Variants in AGBL1 observed in about 807,000 individuals in gnomAD.
The protein encoded by AGBL1 is AGBL carboxypeptidase 1, also known as cytosolic carboxypeptidase 4.
Under a neutral mutation model 118.9 loss-of-function variants are expected in AGBL1, and 130 were observed. The ratio of observed to expected loss-of-function variants is 1.09; its 90% confidence interval spans 0.95 to 1.26. The LOEUF (loss-of-function observed/expected upper bound fraction) is 1.26, where lower values mean the gene tolerates loss of function less well. AGBL1 is among the 50% of genes most tolerant of loss of function. AGBL1 has a pLI of 0.00. For missense variants in AGBL1, 1,584 were observed against 1,298.1 expected (o/e 1.22, Z -3.38); for synonymous variants, 555 against 478.9 (o/e 1.16, Z -2.08).
intron 5 of AGBL1, among the ~76,000 whole-genome samples, chr15:86,166,995 G>A (rs889251984): frequency 5.9e-5 from 9 of 152,078 alleles, no homozygotes; most frequent in African/African-American, 2.2e-4. Context: ...CTAGAGACTA[G>A]AGGCAGGCTC....
At chr15:86,792,435 G>T (rs548213157) in intron 22 of AGBL1, among the ~76,000 whole-genome samples, 1 of 152,268 alleles carries the variant, frequency 6.6e-6, no homozygotes, top group South Asian at 2.1e-4. Flanking sequence ...GTCAAGCAAG[G>T]AATGAACATG....
intron 18 of AGBL1, among the ~76,000 whole-genome samples, chr15:86,453,843 G>A (rs574968073): frequency 1.3e-5 from 2 of 152,204 alleles, no homozygotes; most frequent in Admixed American, 6.5e-5. Context: ...GTTGTGTGTA[G>A]TATTTTTAAA....
intron 23 of AGBL1, among the ~76,000 whole-genome samples, chr15:86,941,026 A>G (rs756225968): frequency 2.6e-5 from 4 of 152,196 alleles, no homozygotes; most frequent in Non-Finnish European, 5.9e-5. Flanking sequence ...CTTTAAATGT[A>G]ATTCTTGTAA....
intron 17 of AGBL1, among the ~76,000 whole-genome samples, chr15:86,313,148 A>G (rs1373752209): frequency 6.6e-6 from 1 of 152,184 alleles, no homozygotes; most frequent in Non-Finnish European, 1.5e-5. Context: ...TCATGGTAAG[A>G]AGTGGGGGAC....
chr15:86,110,888 A>G (rs1469196273), intron 1 of AGBL1, among the ~76,000 whole-genome samples: 1 of 152,192 alleles, frequency 6.6e-6, no homozygotes, highest in Non-Finnish European at 1.5e-5. Flanking sequence ...TTTCTCCTCC[A>G]GCAGAGGTTT....
chr15:86,829,319 C>T (rs2079073484), intron 22 of AGBL1, among the ~76,000 whole-genome samples: 1 of 152,078 alleles, frequency 6.6e-6, no homozygotes, highest in South Asian at 2.1e-4. Context: ...TGGAAAACCG[C>T]AAGGGTCAAG....
In AGBL1 at chr15:86,243,500, A is replaced by G. The variant is rs369649282; in HGVS notation, c.527-4171A>G. On this transcript the variant is annotated intron_variant, in intron 6 of 22. Coordinates refer to ENST00000614907, the MANE Select transcript of AGBL1 (RefSeq NM_001386094.1). Reference sequence around the variant, plus strand: ...GGGTGAATGGGAGGTGAGGACAGAGATAAATCTCCTGTTGTTCATGGATTT... The same window carrying G: ...GGGTGAATGGGAGGTGAGGACAGAGGTAAATCTCCTGTTGTTCATGGATTT... 1.8e-4 allele frequency among the ~76,000 whole-genome samples: 27 copies of G among 152,320 alleles called. No individual in the cohort carries two copies. In the East Asian group the frequency reaches 3.9e-3, roughly 22 times the overall value.
At chr15:86,099,124 A>G (rs1158829974) in intron 1 of AGBL1, among the ~76,000 whole-genome samples, 1 of 152,214 alleles carries the variant, frequency 6.6e-6, no homozygotes, top group Non-Finnish European at 1.5e-5. Context: ...CTACTTCAAA[A>G]AAGTAGAAAA....
intron 23 of AGBL1, among the ~76,000 whole-genome samples, chr15:86,943,624 G>A (rs537494367): frequency 2.6e-5 from 4 of 152,262 alleles, no homozygotes; most frequent in East Asian, 1.9e-4. Context: ...CTACCCGGCC[G>A]GCACCATGTT....
rs903568028 is a variant in AGBL1, at chr15:86,356,335, C to T, written c.2375-41031C>T. 1.1e-4 allele frequency among the ~76,000 whole-genome samples: 16 copies of T among 150,168 alleles called. No homozygotes were observed. The East Asian group carries it at 1.4e-3, about 13-fold the overall frequency. ...TTGGATTTATATCTACGAAGATAGA[C>T]GTGTGTGTGTGTGTGTGTGTGCGCG... On this transcript the variant is annotated intron_variant, in intron 17 of 22. Transcript: ENST00000614907.
intron 18 of AGBL1, among the ~76,000 whole-genome samples, chr15:86,431,105 A>G (rs1567254859): frequency 6.6e-6 from 1 of 152,142 alleles, no homozygotes. Context: ...TTTGCTTGTT[A>G]GCAGTGACCT....
chr15:86,644,286 A>T (rs1169396328), intron 21 of AGBL1, among the ~76,000 whole-genome samples: 1 of 152,082 alleles, frequency 6.6e-6, no homozygotes, highest in Non-Finnish European at 1.5e-5. Flanking sequence ...ATTGTGGAGT[A>T]CTTGGGGAGG....
intron 22 of AGBL1, among the ~76,000 whole-genome samples, chr15:86,903,323 G>A (rs1870888481): frequency 6.6e-6 from 1 of 151,362 alleles, no homozygotes; most frequent in South Asian, 2.1e-4. Context: ...TCTGTTATTG[G>A]ATTTCTCAAC....
At chr15:86,430,485 G>A (rs1464078995) in intron 18 of AGBL1, among the ~76,000 whole-genome samples, 22 of 143,978 alleles carry the variant, frequency 1.5e-4, no homozygotes, top group African/African-American at 4.9e-4. Flanking sequence ...AAAAAGCGCC[G>A]TCGCAAAAAA....
At position 86,849,517 on chromosome 15, in the gene AGBL1, C is replaced by CTTTTT. The variant is rs68185029; in HGVS notation, c.3159-57559_3159-57555dup. Among the ~76,000 whole-genome samples, 665 of 136,760 alleles carry CTTTTT rather than the reference C, an allele frequency of 4.9e-3. 3 individuals carry two copies. The highest frequency in any genetic ancestry group is 6.9e-3 in the Non-Finnish European group (441 of 64,266). The allele number at this position is 136,760 out of a possible 152,430, so 89.7% of individuals were successfully genotyped here. A position where few individuals can be genotyped will look rare whatever the true frequency, so the allele number is the denominator to read the frequency against. Reference sequence around the variant, plus strand: ...AGGTGATGGCTTTCTTTCTTTCTTTCTTTTTTTTTTTTTTTGGCTGATCTT... The same window carrying CTTTTT: ...AGGTGATGGCTTTCTTTCTTTCTTTCTTTTTTTTTTTTTTTTTTTTGGCTGATCTT... On this transcript the variant is annotated intron_variant, in intron 22 of 22. Transcript: ENST00000614907.
intron 23 of AGBL1, among the ~76,000 whole-genome samples, chr15:86,972,788 C>G (rs528553866): frequency 1.2e-4 from 19 of 152,138 alleles, no homozygotes; most frequent in African/African-American, 4.3e-4. Context: ...GTATGCTAAT[C>G]TATTGCAAGT....
At chr15:86,269,372 T>C (rs2079121221) in intron 13 of AGBL1, among the ~76,000 whole-genome samples, 1 of 152,220 alleles carries the variant, frequency 6.6e-6, no homozygotes, top group East Asian at 1.9e-4. Context: ...GTAACGTTGA[T>C]CTCAAATAGC....
chr15:87,012,735 A>G (rs1334444133), intron 24 of AGBL1, among the ~76,000 whole-genome samples: 2 of 151,962 alleles, frequency 1.3e-5, no homozygotes, highest in African/African-American at 4.8e-5. Context: ...TTGGAGCAGT[A>G]CAGCAGACTA....
chr15:86,258,101 G>A (rs2078925991), intron 9 of AGBL1, 70 bp downstream of exon 9: 2 of 1,513,796 alleles, frequency 1.3e-6, no homozygotes, highest in Non-Finnish European at 1.8e-6. Flanking sequence ...ATTACTTCCT[G>A]TGTTTGCCCA....
Sources: gnomAD v4.1 joint callset for allele counts (sites outside exome capture counted in the v4.1 genomes callset) on GRCh38, gnomAD v4.1.1 for gene constraint, MANE v1.5 for transcripts, NCBI Gene and HGNC (gene_info 2026-07-23, HGNC 2026-07-21) for gene names.